Variants in ADAMTS3 observed in about 807,000 individuals in gnomAD.
ADAMTS3 encodes ADAM metallopeptidase with thrombospondin type 1 motif 3, also known as A disintegrin and metalloproteinase with thrombospondin motifs 3.
In ADAMTS3, 73 loss-of-function variants were observed where a neutral mutation model predicts 129.0. The ratio of observed to expected loss-of-function variants is 0.57; its 90% CI spans 0.47 to 0.69. The LOEUF (loss-of-function observed/expected upper bound fraction) is 0.69. Among genes scored for constraint, ADAMTS3 ranks in the 30% least tolerant of loss-of-function variants. The pLI, the probability that ADAMTS3 is intolerant of heterozygous loss-of-function variation, is 0.00. For missense variants in ADAMTS3, 1,457 were observed against 1,514.5 expected (o/e 0.96, Z 0.63); for synonymous variants, 477 against 510.8 (o/e 0.93, Z 0.89).
In ADAMTS3 at chr4:72,312,223, C is replaced by T. The variant is rs1442810979; in HGVS notation, c.1921+68G>A. 6.5e-5 allele frequency: 102 copies of T among 1,561,468 alleles called. 1 individual carries two copies. The highest frequency in any genetic ancestry group is 9.0e-5 in the East Asian group (4 of 44,430). ...ATAGGGATCAAGAGTCCATGGGGTT[C>T]GTGCTGGCAAAGCTTAAACTGTGAG... On this transcript the variant is annotated intron_variant, in intron 13 of 21. Transcript: ENST00000286657.
intron 2 of ADAMTS3, among the ~76,000 whole-genome samples, chr4:72,560,838 C>A (rs1721885559): frequency 1.3e-5 from 2 of 152,154 alleles, no homozygotes; most frequent in South Asian, 4.1e-4. Flanking sequence ...TACCCTGGAA[C>A]TTAAAATTAA....
chr4:72,514,404 T>C (rs187914592), intron 3 of ADAMTS3, among the ~76,000 whole-genome samples: 1 of 152,258 alleles, frequency 6.6e-6, no homozygotes, highest in Admixed American at 6.5e-5. Flanking sequence ...GGTGGGAGTA[T>C]TATAAAACCA....
chr4:72,525,774 T>C (rs1466087233), intron 3 of ADAMTS3, among the ~76,000 whole-genome samples: 2 of 152,176 alleles, frequency 1.3e-5, no homozygotes, highest in Non-Finnish European at 2.9e-5. Flanking sequence ...AGCAAGTGTA[T>C]TGAATTACTT....
At position 72,288,795 on chromosome 4, in the gene ADAMTS3, T is replaced by C; in HGVS notation, c.3005A>G (p.Glu1002Gly). The change falls in exon 21 of 22, where the codon GAA becomes GGA. Residue 1002 changes from glutamate (E) to glycine (G), a missense_variant. Glu to Gly is a moderately conservative substitution (Grantham distance 98, BLOSUM62 -2). Coordinates refer to ENST00000286657, the MANE Select transcript of ADAMTS3 (RefSeq NM_014243.3). Reference protein sequence around the residue: ...LCRAGDHCDGEKPESVRACQL... With the variant: ...LCRAGDHCDGGKPESVRACQL... ...ACAGGCTCTGACCGACTCAGGCTTT[T>C]CACCATCACAGTGGTCCCCAGCCCT... 4 of 1,613,982 alleles carry C rather than the reference T, an allele frequency of 2.5e-6. No individual in the cohort carries two copies. Among genetic ancestry groups the C allele is most frequent in the Non-Finnish European group, 3.4e-6 (4 of 1,179,964 alleles).
At chr4:72,470,083 T>C (rs540875075) in intron 3 of ADAMTS3, among the ~76,000 whole-genome samples, 24 of 152,048 alleles carry the variant, frequency 1.6e-4, no homozygotes, top group Non-Finnish European at 3.5e-4. Flanking sequence ...TTTTTTTAAA[T>C]ACAAGACTTC....
At chr4:72,531,701 A>C (rs574165867) in intron 3 of ADAMTS3, among the ~76,000 whole-genome samples, 1 of 152,300 alleles carries the variant, frequency 6.6e-6, no homozygotes, top group Non-Finnish European at 1.5e-5. Flanking sequence ...ATGGCTTTAG[A>C]AACTCACAAG....
Position 72,360,659 on chromosome 4 carries a change from C to T in ADAMTS3, c.662-20966G>A, listed in dbSNP as rs13116872. Among the ~76,000 whole-genome samples the T allele has an allele frequency of 1.2e-3, 186 of 151,998 alleles. 1 individual carries two copies. The highest frequency in any genetic ancestry group is 1.0e-3 in the Non-Finnish European group (71 of 67,954). On this transcript the variant is annotated intron_variant, in intron 4 of 21. Coordinates refer to ENST00000286657, the MANE Select transcript of ADAMTS3 (RefSeq NM_014243.3). ...ACCCAAATACGAAAAGGTACTGCAACATATTTTGCTTATTGGCATTGACTT... is the reference window on the plus strand; with the variant it reads ...ACCCAAATACGAAAAGGTACTGCAATATATTTTGCTTATTGGCATTGACTT...
intron 19 of ADAMTS3, among the ~76,000 whole-genome samples, chr4:72,295,270 G>A (rs1718775939): frequency 6.6e-6 from 1 of 151,968 alleles, no homozygotes; most frequent in Non-Finnish European, 1.5e-5. Flanking sequence ...GAAGGAGAAA[G>A]TGTGGCCTCT....
At chr4:72,405,147 TA>T (rs1722019318) in intron 4 of ADAMTS3, among the ~76,000 whole-genome samples, 1 of 152,018 alleles carries the variant, frequency 6.6e-6, no homozygotes, top group Non-Finnish European at 1.5e-5. Flanking sequence ...CTGAGAATAT[TA>T]AAAAATAGAA....
chr4:72,456,965 T>C (rs1279183851), intron 3 of ADAMTS3, among the ~76,000 whole-genome samples: 1 of 151,676 alleles, frequency 6.6e-6, no homozygotes, highest in Non-Finnish European at 1.5e-5. Context: ...GATCGTAGTC[T>C]TAAGTTTGTA....
chr4:72,458,541 A>T (rs1014182320), intron 3 of ADAMTS3, among the ~76,000 whole-genome samples: 3 of 151,588 alleles, frequency 2.0e-5, no homozygotes, highest in Admixed American at 6.6e-5. Context: ...AAGAATAGGG[A>T]TGTTTTAAAA....
At chr4:72,507,980 G>A (rs1329897733) in intron 3 of ADAMTS3, among the ~76,000 whole-genome samples, 1 of 152,120 alleles carries the variant, frequency 6.6e-6, no homozygotes, top group African/African-American at 2.4e-5. Flanking sequence ...CATCAAGTAT[G>A]TCATTTTTAC....
intron 3 of ADAMTS3, among the ~76,000 whole-genome samples, chr4:72,535,135 C>G (rs147402056): frequency 1.2e-4 from 19 of 152,088 alleles, no homozygotes; most frequent in African/African-American, 4.6e-4. Context: ...ATTCTCAGAG[C>G]CAGGTATGCA....
intron 5 of ADAMTS3, among the ~76,000 whole-genome samples, chr4:72,324,200 G>C (rs568711623): frequency 6.6e-6 from 1 of 152,260 alleles, no homozygotes; most frequent in African/African-American, 2.4e-5. Flanking sequence ...ATCTCATAGC[G>C]AGTGGCTTTA....
chr4:72,536,199 A>G (rs1163733147), intron 3 of ADAMTS3, among the ~76,000 whole-genome samples: 1 of 152,180 alleles, frequency 6.6e-6, no homozygotes, highest in African/African-American at 2.4e-5. Context: ...ATAACTTTCT[A>G]TATGGTAGAG....
intron 3 of ADAMTS3, among the ~76,000 whole-genome samples, chr4:72,497,092 G>A (rs1719891057): frequency 1.3e-5 from 2 of 151,844 alleles, no homozygotes; most frequent in Non-Finnish European, 2.9e-5. Context: ...GAAGTTATCA[G>A]ATGTTTAATA....
intron 3 of ADAMTS3, among the ~76,000 whole-genome samples, chr4:72,484,675 G>A (rs1215532303): frequency 6.6e-6 from 1 of 152,202 alleles, no homozygotes; most frequent in Non-Finnish European, 1.5e-5. Flanking sequence ...GGACAAACTA[G>A]AAACTCCCAT....
At chr4:72,392,915 A>ATTTTTTTTT (rs36046621) in intron 4 of ADAMTS3, among the ~76,000 whole-genome samples, 4 of 139,850 alleles carry the variant, frequency 2.9e-5, no homozygotes, top group Non-Finnish European at 1.6e-5. Context: ...TACCCATCGG[A>ATTTTTTTTT]TTTTTTTTTT....
At chr4:72,465,645 G>A (rs575939998) in intron 3 of ADAMTS3, among the ~76,000 whole-genome samples, 5 of 152,096 alleles carry the variant, frequency 3.3e-5, no homozygotes, top group African/African-American at 9.6e-5. Flanking sequence ...TTGGGTGCAG[G>A]ACAGGGGTTT....
Sources: allele counts gnomAD v4.1 joint callset (sites outside exome capture counted in the v4.1 genomes callset), GRCh38; gene constraint gnomAD v4.1.1; transcripts MANE v1.5; gene names NCBI Gene and HGNC (gene_info 2026-07-23, HGNC 2026-07-21).